DOCK1: variants seen among roughly 807,000 people sequenced by gnomAD.
DOCK1 encodes the protein dedicator of cytokinesis protein 1.
A neutral mutation model predicts 262.7 loss-of-function variants in DOCK1; 138 were observed. That is an observed-to-expected ratio of 0.53 (90% CI 0.46 to 0.61). DOCK1 has a LOEUF of 0.61. Ranked by LOEUF, DOCK1 falls within the 20% of genes least tolerant of loss-of-function variation. The probability of loss-of-function intolerance (pLI) is 0.00; values close to 1 mark genes in which losing one functional copy is unlikely to be tolerated. For synonymous variants in DOCK1, 866 were observed against 867.4 expected, an observed-to-expected ratio of 1.00 and a Z score of 0.03; for missense variants, 1,908 against 2,370.7, an observed-to-expected ratio of 0.80 and a Z score of 4.05.
intron 1 of DOCK1, among the ~76,000 whole-genome samples, chr10:126,909,859 CT>C (rs1220458419): frequency 6.6e-6 from 1 of 152,208 alleles, no homozygotes; most frequent in African/African-American, 2.4e-5. Context: ...TGACAAGTGA[CT>C]TCTGTGTGCG....
intron 27 of DOCK1, among the ~76,000 whole-genome samples, chr10:127,244,487 A>G (rs145452453): frequency 1.1e-3 from 160 of 152,324 alleles, no homozygotes; most frequent in Non-Finnish European, 2.0e-3. Flanking sequence ...TAAAAAGGTT[A>G]TAGCAATTTA....
At chr10:127,273,576 A>C (rs1216329560) in intron 29 of DOCK1, among the ~76,000 whole-genome samples, 1 of 152,218 alleles carries the variant, frequency 6.6e-6, no homozygotes, top group Non-Finnish European at 1.5e-5. Context: ...ACTGTGCGAA[A>C]GGTATTTTGA....
intron 27 of DOCK1, chr10:127,195,953 CGGGCGCGG>C (rs1201135199): frequency 2.0e-5 from 3 of 152,288 alleles, no homozygotes; most frequent in Admixed American, 6.5e-5. Flanking sequence ...CCAAGTACGA[CGGGCGCGG>C]GGGCGCGGGA....
At chr10:127,210,275 C>T (rs1299525050) in intron 27 of DOCK1, among the ~76,000 whole-genome samples, 1 of 152,130 alleles carries the variant, frequency 6.6e-6, no homozygotes, top group Non-Finnish European at 1.5e-5. Context: ...CATAAGGTGG[C>T]CCCAGTGCTC....
intron 27 of DOCK1, among the ~76,000 whole-genome samples, chr10:127,144,359 C>G (rs986667227): frequency 6.6e-6 from 1 of 152,184 alleles, no homozygotes; most frequent in Admixed American, 6.5e-5. Flanking sequence ...AGCATTGTCT[C>G]TAGGTTTCCA....
chr10:127,204,523 G>A (rs1264713450), intron 27 of DOCK1, among the ~76,000 whole-genome samples: 1 of 152,056 alleles, frequency 6.6e-6, no homozygotes, highest in Non-Finnish European at 1.5e-5. Context: ...CTGACCTCAA[G>A]CAATCCACCT....
chr10:126,970,661 T>G (rs769157163), intron 1 of DOCK1, 41 bp from the exon 2 acceptor site: 2 of 1,512,506 alleles, frequency 1.3e-6, no homozygotes. Context: ...GTCACTTCTA[T>G]CTTTACTATT....
intron 23 of DOCK1, among the ~76,000 whole-genome samples, chr10:127,065,779 C>CA (rs944477282): frequency 3.3e-5 from 5 of 151,990 alleles, no homozygotes; most frequent in African/African-American, 1.2e-4. Context: ...GGCCTGGGGT[C>CA]AGAGGCGGAG....
At chr10:127,303,448 G>A (rs890067052) in intron 29 of DOCK1, among the ~76,000 whole-genome samples, 3 of 152,074 alleles carry the variant, frequency 2.0e-5, no homozygotes. Context: ...GTCAAAAAGA[G>A]TCTCTGTCAG....
chr10:127,199,421 A>G (rs1019353131), intron 27 of DOCK1, among the ~76,000 whole-genome samples: 8 of 152,202 alleles, frequency 5.3e-5, no homozygotes, highest in Non-Finnish European at 1.2e-4. Flanking sequence ...AGGTTTATCT[A>G]TATCTGTTCC....
At chr10:127,061,510 T>A (rs1161093667) in intron 22 of DOCK1, among the ~76,000 whole-genome samples, 158 bp from the exon 23 acceptor site, 1 of 152,260 alleles carries the variant, frequency 6.6e-6, no homozygotes, top group Admixed American at 6.5e-5. Context: ...TGCATGAGTC[T>A]CACTGCCAAG....
chr10:127,393,115 G>A (rs1316403917), intron 38 of DOCK1, among the ~76,000 whole-genome samples: 2 of 152,208 alleles, frequency 1.3e-5, no homozygotes, highest in East Asian at 1.9e-4. Flanking sequence ...AGCCCTTGGA[G>A]TGTTTACAAG....
At chr10:127,184,121 G>C (rs2133999204) in intron 27 of DOCK1, among the ~76,000 whole-genome samples, 1 of 152,210 alleles carries the variant, frequency 6.6e-6, no homozygotes, top group South Asian at 2.1e-4. Flanking sequence ...AGGGTGGCCT[G>C]GACTCAACCC....
At chr10:127,424,166 C>G (rs1438452061) in intron 46 of DOCK1, among the ~76,000 whole-genome samples, 1 of 152,136 alleles carries the variant, frequency 6.6e-6, no homozygotes. Flanking sequence ...CAGTTCAGCC[C>G]CAAGTAGACA....
chr10:127,199,509 C>A (rs1443758269), intron 27 of DOCK1, among the ~76,000 whole-genome samples: 1 of 152,202 alleles, frequency 6.6e-6, no homozygotes, highest in Non-Finnish European at 1.5e-5. Flanking sequence ...TACTAGACAG[C>A]AACCCAAAAG....
intron 27 of DOCK1, among the ~76,000 whole-genome samples, chr10:127,162,148 A>G (rs2053644496): frequency 6.6e-6 from 1 of 152,202 alleles, no homozygotes; most frequent in Admixed American, 6.5e-5. Context: ...GTCAGGTGGT[A>G]AAGCTGATCC....
chr10:127,318,763 C>T (rs150806297), intron 29 of DOCK1, among the ~76,000 whole-genome samples: 24 of 152,338 alleles, frequency 1.6e-4, no homozygotes, highest in African/African-American at 5.5e-4. Context: ...TGGAGTTTGC[C>T]TTCTACTTAG....
At chr10:127,235,784 G>A (rs1341198193) in intron 27 of DOCK1, among the ~76,000 whole-genome samples, 1 of 59,128 alleles carries the variant, frequency 1.7e-5, no homozygotes, top group African/African-American at 4.2e-5. Flanking sequence ...TCTTTGTGGT[G>A]GTTGTTTTTT....
chr10:127,027,903 G>A (rs898577374), intron 16 of DOCK1, among the ~76,000 whole-genome samples: 1 of 152,088 alleles, frequency 6.6e-6, no homozygotes, highest in African/African-American at 2.4e-5. Context: ...CTGTTGTTCA[G>A]GGGAGTTGGA....
Sources: gnomAD v4.1 joint callset for allele counts (sites outside exome capture counted in the v4.1 genomes callset) on GRCh38, gnomAD v4.1.1 for gene constraint, MANE v1.5 for transcripts, NCBI Gene and HGNC (gene_info 2026-07-23, HGNC 2026-07-21) for gene names.